Variants in SH3KBP1 observed in about 807,000 individuals in gnomAD.
The protein encoded by SH3KBP1 is SH3 domain containing kinase binding protein 1, also known as SH3 domain-containing kinase-binding protein 1.
In SH3KBP1, 8 loss-of-function variants were observed where a neutral mutation model predicts 50.1. The observed-to-expected ratio is 0.16, with a 90% CI of 0.09 to 0.29. The LOEUF (loss-of-function observed/expected upper bound fraction) is 0.29. Ranked by LOEUF, SH3KBP1 falls within the 10% of genes least tolerant of loss-of-function variation. SH3KBP1 has a pLI of 1.00. For missense variants in SH3KBP1, 377 were observed against 535.2 expected, an observed-to-expected ratio of 0.70 and a Z score of 2.92; for synonymous variants, 227 against 218.6, an observed-to-expected ratio of 1.04 and a Z score of -0.34.
intron 13 of SH3KBP1, among the ~76,000 whole-genome samples, chrX:19,555,005 T>C (rs1006879075): frequency 6.2e-5 from 7 of 112,846 alleles, no homozygotes; most frequent in East Asian, 2.8e-4. Flanking sequence ...AGAATTTCCA[T>C]GACTAACCCA....
chrX:19,710,273 C>T (rs765084581), intron 3 of SH3KBP1, among the ~76,000 whole-genome samples: 2 of 112,599 alleles, frequency 1.8e-5, no homozygotes, highest in Admixed American at 9.4e-5. Flanking sequence ...AGCGTCTCCA[C>T]GCTACGGATG....
chrX:19,660,847 T>C (rs1346673716), intron 6 of SH3KBP1, among the ~76,000 whole-genome samples: 4 of 112,350 alleles, frequency 3.6e-5, no homozygotes, highest in African/African-American at 1.3e-4. Context: ...CAATAAGGGA[T>C]GAAGAAATCC....
chrX:19,612,469 T>C (rs1296445987), intron 8 of SH3KBP1, among the ~76,000 whole-genome samples: 1 of 111,514 alleles, frequency 9.0e-6, no homozygotes, highest in Non-Finnish European at 1.9e-5. Context: ...TTTCATCATG[T>C]TGGCCAGGCT....
intron 2 of SH3KBP1, among the ~76,000 whole-genome samples, chrX:19,770,705 ATT>A (rs764474915): frequency 2.1e-5 from 2 of 96,817 alleles, no homozygotes; most frequent in African/African-American, 3.8e-5. Flanking sequence ...CCAGCATGTT[ATT>A]TTTTTTTTTT....
intron 6 of SH3KBP1, among the ~76,000 whole-genome samples, chrX:19,668,968 A>T (rs1164015996): frequency 6.6e-4 from 35 of 52,747 alleles, no homozygotes; most frequent in African/African-American, 3.7e-3. Context: ...ATATATATAT[A>T]TATATATTTT....
chrX:19,804,650 T>C (rs114253489), intron 2 of SH3KBP1, among the ~76,000 whole-genome samples: 1,985 of 109,960 alleles, frequency 0.018, 64 homozygotes, highest in African/African-American at 0.06. Flanking sequence ...TTTTTTTTTT[T>C]CCCCAAATAC....
intron 4 of SH3KBP1, among the ~76,000 whole-genome samples, chrX:19,696,520 A>G (rs913229501): frequency 1.8e-5 from 2 of 111,456 alleles, no homozygotes; most frequent in Non-Finnish European, 3.8e-5. Context: ...CAGCGAGACT[A>G]TGATATCTGG....
At chrX:19,793,463 C>G (rs2066607422) in intron 2 of SH3KBP1, among the ~76,000 whole-genome samples, 1 of 110,413 alleles carries the variant, frequency 9.1e-6, no homozygotes. Flanking sequence ...TACTATCCTG[C>G]TGATTACCCC....
At chrX:19,763,577 T>C (rs1411986985) in intron 2 of SH3KBP1, among the ~76,000 whole-genome samples, 2 of 112,109 alleles carry the variant, frequency 1.8e-5, no homozygotes, top group African/African-American at 6.5e-5. Context: ...AATTTACCTG[T>C]TTGTCATTTG....
At chrX:19,818,295 T>C (rs941604684) in intron 2 of SH3KBP1, among the ~76,000 whole-genome samples, 1 of 112,542 alleles carries the variant, frequency 8.9e-6, no homozygotes, top group Non-Finnish European at 1.9e-5. Flanking sequence ...CCTGTGACCT[T>C]ACTGCACTCA....
intron 6 of SH3KBP1, among the ~76,000 whole-genome samples, chrX:19,651,373 A>G (rs1228564362): frequency 8.9e-6 from 1 of 111,798 alleles, no homozygotes; most frequent in African/African-American, 3.3e-5. Flanking sequence ...AATAAAGCGT[A>G]TGGTCCGGTA....
intron 16 of SH3KBP1, among the ~76,000 whole-genome samples, chrX:19,540,684 T>C (rs2064858402): frequency 9.0e-6 from 1 of 111,051 alleles, no homozygotes; most frequent in South Asian, 3.9e-4. Flanking sequence ...GCACCTCCAA[T>C]CCAAGGAGGC....
At chrX:19,843,008 C>CTTTTT (rs1208728077) in intron 1 of SH3KBP1, among the ~76,000 whole-genome samples, 8 of 65,177 alleles carry the variant, frequency 1.2e-4, no homozygotes, top group Admixed American at 5.1e-4. Flanking sequence ...CGTGCATCAA[C>CTTTTT]TTTTTTTTTT....
chrX:19,861,367 ACT>A (rs1174602020), intron 1 of SH3KBP1, among the ~76,000 whole-genome samples: 3 of 109,969 alleles, frequency 2.7e-5, no homozygotes, highest in Non-Finnish European at 5.7e-5. Flanking sequence ...ACAGAGCAAG[ACT>A]CTGTCTCAAA....
intron 1 of SH3KBP1, among the ~76,000 whole-genome samples, chrX:19,870,686 A>G (rs1169183482): frequency 8.9e-6 from 1 of 111,741 alleles, no homozygotes; most frequent in Non-Finnish European, 1.9e-5. Context: ...TGTCATAGAC[A>G]TGACATCAAC....
At chrX:19,615,917 CTTTT>C in intron 8 of SH3KBP1, among the ~76,000 whole-genome samples, 1 of 96,708 alleles carries the variant, frequency 1.0e-5, no homozygotes, top group African/African-American at 3.8e-5. Context: ...CAGTCATTCA[CTTTT>C]TTTTTTTTTT....
Position 19,607,899 on chromosome X carries a change from A to T in SH3KBP1, c.1005+39T>A, listed in dbSNP as rs2067288136. 5.4e-6 allele frequency: 6 copies of T among 1,110,292 alleles called. No individual in the cohort carries two copies. In the Admixed American group the frequency reaches 8.8e-5, roughly 16 times the overall value. The allele number at this position is 1,110,292 out of a possible 1,213,427, so 91.5% of individuals were successfully genotyped here. On this transcript the variant is annotated intron_variant, in intron 9 of 17. Transcript: ENST00000397821. ...CCCCCATCCCAAGTCCCAACATGGG[A>T]GCCACAACTCCGCTGAAATCAAAGT...
intron 2 of SH3KBP1, among the ~76,000 whole-genome samples, chrX:19,749,389 T>C (rs1412199279): frequency 3.6e-5 from 4 of 112,573 alleles, no homozygotes; most frequent in South Asian, 7.2e-4. Flanking sequence ...TTATACATAA[T>C]AGCCAAAAGA....
At chrX:19,855,761 A>C (rs1031696754) in intron 1 of SH3KBP1, among the ~76,000 whole-genome samples, 3 of 112,220 alleles carry the variant, frequency 2.7e-5, no homozygotes, top group African/African-American at 9.7e-5. Context: ...TGTGCCACAT[A>C]CTGCAACTGA....
Sources: allele counts gnomAD v4.1 joint callset (sites outside exome capture counted in the v4.1 genomes callset), GRCh38; gene constraint gnomAD v4.1.1; transcripts MANE v1.5; gene names NCBI Gene and HGNC (gene_info 2026-07-23, HGNC 2026-07-21).